Variants in TCERG1 observed in about 807,000 individuals in gnomAD.
The protein encoded by TCERG1 is TATA box binding protein (TBP)-associated factor, RNA polymerase II, S, 150kD.
Under a neutral mutation model 144.7 loss-of-function variants are expected in TCERG1, and 37 were observed. The ratio of observed to expected loss-of-function variants is 0.26; its 90% CI spans 0.20 to 0.34. The LOEUF (loss-of-function observed/expected upper bound fraction) is 0.34, where lower values mean the gene tolerates loss of function less well. TCERG1 is among the 10% of genes least tolerant of loss of function. The pLI, the probability that TCERG1 is intolerant of heterozygous loss-of-function variation, is 1.00. For missense variants in TCERG1, 1,027 were observed against 1,380.7 expected, an observed-to-expected ratio of 0.74 and a Z score of 4.06; for synonymous variants, 492 against 458.2, an observed-to-expected ratio of 1.07 and a Z score of -0.94.
intron 17 of TCERG1, chr5:146,499,549 G>A (rs1264655836): frequency 6.6e-6 from 1 of 152,062 alleles, no homozygotes; most frequent in Admixed American, 6.5e-5. Flanking sequence ...TTGTTTCACT[G>A]TTTACTTAAA....
At chr5:146,479,734 G>A in intron 10 of TCERG1, 121 bp from the exon 11 acceptor site, 1 of 908,902 alleles carries the variant, frequency 1.1e-6, no homozygotes. Flanking sequence ...TTTGTTTAAT[G>A]TTTTATAAAG....
At position 146,511,936 on chromosome 5, in the gene TCERG1, C is replaced by T. The variant is rs1768478651; in HGVS notation, c.*1294C>T. 6.6e-6 allele frequency: 1 copy of T among 152,022 alleles called. No individual in the cohort carries two copies. The highest frequency in any genetic ancestry group is 1.5e-5 in the Non-Finnish European group (1 of 67,988). The allele number at this position is 152,022 out of a possible 1,614,324, so 9.4% of individuals were successfully genotyped here. On this transcript the variant is annotated 3_prime_UTR_variant, in exon 23 of 23. Transcript: ENST00000679501. Reference sequence around the variant, plus strand: ...TTCATAGGTTGCTCGTTTCAGAGTGCCACATAAATAAAATGTTTAACAAAA... The same window carrying T: ...TTCATAGGTTGCTCGTTTCAGAGTGTCACATAAATAAAATGTTTAACAAAA...
intron 9 of TCERG1, among the ~76,000 whole-genome samples, chr5:146,474,224 C>A (rs991356167): frequency 1.3e-5 from 2 of 152,142 alleles, no homozygotes; most frequent in African/African-American, 4.8e-5. Context: ...TACCAACTCT[C>A]ATGGATGATT....
intron 9 of TCERG1, among the ~76,000 whole-genome samples, chr5:146,475,811 C>A (rs1764790887): frequency 6.6e-6 from 1 of 152,152 alleles, no homozygotes. Context: ...TTCCCCTTAT[C>A]ACCATTGGTC....
At position 146,509,139 on chromosome 5, in the gene TCERG1, T is replaced by C; in HGVS notation, c.3046-6T>C. ...ATAATCTCAACTTTTTTTTTTTTAT[T>C]AACAGAAAAAACAAAGAGAATTTGA... is the stretch of plus-strand genomic sequence containing the variant. On this transcript the variant is annotated splice_polypyrimidine_tract_variant and splice_region_variant and intron_variant, in intron 21 of 22. Transcript: ENST00000679501. 1 of 1,533,928 alleles carries C rather than the reference T, an allele frequency of 6.5e-7. No individual in the cohort carries two copies. Among genetic ancestry groups the C allele is most frequent in the East Asian group, 2.3e-5 (1 of 44,208 alleles).
chr5:146,497,974 T>G (rs1390753490), intron 16 of TCERG1, among the ~76,000 whole-genome samples: 1 of 152,210 alleles, frequency 6.6e-6, no homozygotes, highest in Non-Finnish European at 1.5e-5. Context: ...CTTTGTAGAT[T>G]CCTCTTCACC....
Position 146,510,837 on chromosome 5 carries a change from A to G in TCERG1, c.*195A>G. 2.1e-6 allele frequency: 1 copy of G among 474,138 alleles called. No homozygotes were observed. Among genetic ancestry groups the G allele is most frequent in the Non-Finnish European group, 3.7e-6 (1 of 273,474 alleles). 29.4% of individuals were successfully genotyped at this position (474,138 alleles called of 1,614,324 possible). A position where few individuals can be genotyped will look rare whatever the true frequency, so the allele number is the denominator to read the frequency against. ...TTTCTTTGTGTGGCATGACTGACAT[A>G]CATACTCAAATATAGGCTGTCTCTA... On this transcript the variant is annotated 3_prime_UTR_variant, in exon 23 of 23. Coordinates refer to ENST00000679501, the MANE Select transcript of TCERG1 (RefSeq NM_001382548.1).
In TCERG1 at chr5:146,470,649, G is replaced by C. The variant is rs1309534857; in HGVS notation, c.1413G>C (p.Glu471Asp). The C allele has an allele frequency of 1.9e-6, 3 of 1,601,194 alleles. No individual in the cohort carries two copies. The East Asian group carries it at 6.7e-5, about 36-fold the overall frequency. The part of the protein sequence containing the change: ...QELKEKEKLE[E>D]KIKEPIKEPS... ...TTTTTTTCATAGAAAAGTTAGAAGA[G>C]AAGATTAAAGAGCCAATTAAAGAAC... The change falls in exon 8 of 23, where the codon GAG becomes GAC. Residue 471 changes from glutamate to aspartate, a missense_variant. Physicochemically the swap from Glu to Asp is conservative, Grantham distance 45. Coordinates refer to ENST00000679501, the MANE Select transcript of TCERG1 (RefSeq NM_001382548.1).
rs1190441474 is a variant in TCERG1 at position 146,482,650 on chromosome 5, A to C, written c.1996A>C (p.Lys666Gln). 2 of 1,613,218 alleles carry C rather than the reference A, an allele frequency of 1.2e-6. No homozygotes were observed. Among genetic ancestry groups the C allele is most frequent in the Non-Finnish European group, 1.7e-6 (2 of 1,179,516 alleles). ...AGAAGCTGCCATGGAAGCTGAAATT[A>C]AAGCTGCCCGAGAAAGGGCCATTGT... ...EKEAAMEAEI[K>Q]AARERAIVPL... Residue 666 changes from lysine (K) to glutamine (Q), a missense_variant, in exon 14 of 23, where the codon AAA (lysine) becomes CAA (glutamine). By Grantham distance (53) the Lys-to-Gln change is moderately conservative (BLOSUM62 1). Transcript: ENST00000679501.
At chr5:146,449,149 T>G (rs1762146107) in intron 1 of TCERG1, among the ~76,000 whole-genome samples, 1 of 152,188 alleles carries the variant, frequency 6.6e-6, no homozygotes, top group African/African-American at 2.4e-5. Flanking sequence ...GGGGCTTAAT[T>G]TTTGCATTAT....
At position 146,447,359 on chromosome 5, in the gene TCERG1, C is replaced by G. The variant is rs906937964; in HGVS notation, c.10C>G (p.Arg4Gly). MAE[R>G]GGDGGESERF... ...AACGCGGCCCTCTGTAATGGCGGAG[C>G]GTGGCGGGGACGGGGGCGAGAGTGA... The change falls in exon 1 of 23, where the codon CGT becomes GGT. Residue 4 changes from arginine to glycine, a missense_variant. Physicochemically the swap from Arg to Gly is moderately radical, Grantham distance 125. Around this residue, in one of 6 missense-constraint regions of TCERG1, gnomAD observed 175 missense variants for 197.0 expected, o/e 0.89. Transcript: ENST00000679501. 17 of 1,611,540 alleles carry G rather than the reference C, an allele frequency of 1.1e-5. No homozygotes were observed. Among genetic ancestry groups the G allele is most frequent in the Non-Finnish European group, 1.4e-5 (17 of 1,179,016 alleles).
Position 146,459,030 on chromosome 5 carries a change from G to GCAGGCT in TCERG1, c.591_596dup (p.Ala241_Gln242dup). The GCAGGCT allele has an allele frequency of 6.2e-7, 1 of 1,606,214 alleles. No individual in the cohort carries two copies. Among genetic ancestry groups the GCAGGCT allele is most frequent in the Non-Finnish European group, 8.5e-7 (1 of 1,176,218 alleles). On this transcript the variant is annotated inframe_insertion, in exon 4 of 23. Coordinates refer to ENST00000679501, the MANE Select transcript of TCERG1 (RefSeq NM_001382548.1). ...CCCAGGCGCAGGCTCAGGCCCAGGC[G>GCAGGCT]CAGGCTCAGGCCCAGGCACAAGCTC...
rs1332970360 is a variant in TCERG1 at position 146,451,776 on chromosome 5, T to TG, written c.60-3280_60-3279insG. ...AACAAGTCCAGAAGGCAAATTAGTTTTTTTTTTTTTTAATTTTTTAATTTT... is the reference window on the plus strand; with the variant it reads ...AACAAGTCCAGAAGGCAAATTAGTTTGTTTTTTTTTTTAATTTTTTAATTTT... On this transcript the variant is annotated intron_variant, in intron 1 of 22. Transcript: ENST00000679501. Among the ~76,000 whole-genome samples, 9 of 149,332 alleles carry TG rather than the reference T, an allele frequency of 6.0e-5. No individual in the cohort carries two copies. In the East Asian group the frequency reaches 1.6e-3, roughly 27 times the overall value.
At chr5:146,484,167 C>T (rs1339662043) in intron 15 of TCERG1, among the ~76,000 whole-genome samples, 1 of 152,100 alleles carries the variant, frequency 6.6e-6, no homozygotes, top group Non-Finnish European at 1.5e-5. Context: ...ACTGCATATA[C>T]AAAGTTCACA....
chr5:146,457,251 A>T lies in TCERG1; in HGVS notation c.354A>T (p.Gly118=), dbSNP rs1284463744. The change falls in exon 3 of 23, where the codon GGA becomes GGT. Residue 118 remains glycine (G), a synonymous_variant. Transcript: ENST00000679501. Reference sequence around the variant, plus strand: ...CTCCGGGTATGATGTTTCCACCAGGAATGCCTCCTGTGACTGCTCCTGGTA... The same window carrying T: ...CTCCGGGTATGATGTTTCCACCAGGTATGCCTCCTGTGACTGCTCCTGGTA... ...PPPPGMMFPP[G]MPPVTAPGTP... 3 of 1,614,058 alleles carry T rather than the reference A, an allele frequency of 1.9e-6. No homozygotes were observed. Among genetic ancestry groups the T allele is most frequent in the Non-Finnish European group, 2.5e-6 (3 of 1,180,010 alleles).
chr5:146,507,910 T>G lies in TCERG1; in HGVS notation c.2999T>G (p.Ile1000Ser). 1 of 1,611,548 alleles carries G rather than the reference T, an allele frequency of 6.2e-7. No individual in the cohort carries two copies. The highest frequency in any genetic ancestry group is 1.3e-5 in the African/African-American group (1 of 74,972). ...LTSTWKEVKK[I>S]IKEDPRCIKF... The stretch of plus-strand genomic sequence containing the variant: ...TCCACGTGGAAAGAAGTAAAAAAAA[T>G]CATTAAGGAAGATCCTCGATGTATT... The change falls in exon 21 of 23, where the codon ATC (isoleucine) becomes AGC (serine). Residue 1000 changes from isoleucine (I) to serine (S), a missense_variant. This residue lies in a region of TCERG1 where 133 missense variants were observed against 283.2 expected (regional missense o/e 0.47). Coordinates refer to ENST00000679501, the MANE Select transcript of TCERG1 (RefSeq NM_001382548.1). The surrounding 1 kb of genome is among the most constrained non-coding windows in gnomAD (Gnocchi z 4.6).
At chr5:146,498,750 G>T in intron 17 of TCERG1, 64 bp downstream of exon 17, 1 of 1,513,882 alleles carries the variant, frequency 6.6e-7, no homozygotes. Flanking sequence ...GTCTATGCTG[G>T]TGTTATGTTT....
chr5:146,490,331 T>A (rs1766276189), intron 15 of TCERG1, among the ~76,000 whole-genome samples: 1 of 152,196 alleles, frequency 6.6e-6, no homozygotes, highest in South Asian at 2.1e-4. Flanking sequence ...GAACATTTTG[T>A]TGTACTTGTT....
intron 4 of TCERG1, among the ~76,000 whole-genome samples, chr5:146,463,267 C>A (rs113204096): frequency 1.1e-4 from 16 of 152,062 alleles, no homozygotes; most frequent in Non-Finnish European, 2.1e-4. Flanking sequence ...TTTTTCAAGG[C>A]GCAGCATCCC....
Sources: allele counts gnomAD v4.1 joint callset (sites outside exome capture counted in the v4.1 genomes callset), GRCh38; gene constraint gnomAD v4.1.1; regional missense constraint gnomAD v4.1.1; non-coding constraint Gnocchi (gnomAD v3.1); transcripts MANE v1.5; gene names NCBI Gene and HGNC (gene_info 2026-07-23, HGNC 2026-07-21).